The following MMP16 variants were observed in gnomAD, a reference collection of about 807,000 sequenced individuals.
The protein encoded by MMP16 is matrix metalloproteinase-16.
Under a neutral mutation model 67.8 loss-of-function variants are expected in MMP16, and 12 were observed. That is an observed-to-expected ratio of 0.18 (90% CI 0.11 to 0.29). The LOEUF (loss-of-function observed/expected upper bound fraction) is 0.29, where lower values mean the gene tolerates loss of function less well. Ranked by LOEUF, MMP16 falls within the 10% of genes least tolerant of loss-of-function variation. The pLI, the probability that MMP16 is intolerant of heterozygous loss-of-function variation, is 1.00. For synonymous variants in MMP16, 249 were observed against 255.9 expected (o/e 0.97, Z 0.26); for missense variants, 475 against 765.7 (o/e 0.62, Z 4.48).
chr8:88,317,371 C>T (rs949955270), intron 1 of MMP16, among the ~76,000 whole-genome samples: 1 of 152,184 alleles, frequency 6.6e-6, no homozygotes, highest in African/African-American at 2.4e-5. Context: ...CAACACCCTC[C>T]AGCCACAAAA....
chr8:88,128,475 C>T (rs1807972683), intron 4 of MMP16, among the ~76,000 whole-genome samples: 1 of 151,754 alleles, frequency 6.6e-6, no homozygotes, highest in South Asian at 2.1e-4. Context: ...CTCCAGACTT[C>T]CCTTTTCTTA....
chr8:88,177,223 G>T (rs1323278988), intron 3 of MMP16, among the ~76,000 whole-genome samples: 3 of 152,006 alleles, frequency 2.0e-5, no homozygotes, highest in Non-Finnish European at 4.4e-5. Context: ...TCGTATGTTG[G>T]TTTTTTATTA....
In MMP16 at chr8:88,198,261, A is replaced by G. The variant is rs192484422; in HGVS notation, c.133-955T>C. 1.2e-3 allele frequency among the ~76,000 whole-genome samples: 179 copies of G among 152,274 alleles called. 1 individual carries two copies. Among genetic ancestry groups the G allele is most frequent in the African/African-American group, 3.8e-3 (157 of 41,578 alleles). ...AAATGCACAATCATATGTTCAGGCCACATCCCATCCTGCTGTCCTTTACCT... is the reference window on the plus strand; with the variant it reads ...AAATGCACAATCATATGTTCAGGCCGCATCCCATCCTGCTGTCCTTTACCT... On this transcript the variant is annotated intron_variant, in intron 1 of 9. Transcript: ENST00000286614.
chr8:88,088,752 C>G (rs1158209982), intron 6 of MMP16, among the ~76,000 whole-genome samples: 1 of 152,008 alleles, frequency 6.6e-6, no homozygotes, highest in Non-Finnish European at 1.5e-5. Flanking sequence ...CAAGGTAAGT[C>G]CTCAACACAC....
chr8:88,279,261 T>C (rs1201291777), intron 1 of MMP16, among the ~76,000 whole-genome samples: 2 of 151,740 alleles, frequency 1.3e-5, no homozygotes, highest in Non-Finnish European at 2.9e-5. Flanking sequence ...AAATGTAAAC[T>C]ATCCCATTAA....
At chr8:88,264,030 GCACA>G (rs1563577557) in intron 1 of MMP16, among the ~76,000 whole-genome samples, 1 of 31,020 alleles carries the variant, frequency 3.2e-5, no homozygotes, top group Non-Finnish European at 8.6e-5. Flanking sequence ...TACAAAAATG[GCACA>G]TATATATATA....
In MMP16 at chr8:88,041,154, T is replaced by C; in HGVS notation, c.*307A>G. On this transcript the variant is annotated 3_prime_UTR_variant, in exon 10 of 10. Coordinates refer to ENST00000286614, the MANE Select transcript of MMP16 (RefSeq NM_005941.5). The surrounding 1 kb of genome is among the most constrained non-coding windows in gnomAD (Gnocchi z 6.0). ...TTTTAAGAAGAATCTTTTCTTCTTTTTCTCCTCTTCTTTAGTTAATCCTGA... is the reference window on the plus strand; with the variant it reads ...TTTTAAGAAGAATCTTTTCTTCTTTCTCTCCTCTTCTTTAGTTAATCCTGA... 7.9e-6 allele frequency: 2 copies of C among 253,248 alleles called. No homozygotes were observed. Among genetic ancestry groups the C allele is most frequent in the Non-Finnish European group, 1.5e-5 (2 of 134,712 alleles). 15.7% of individuals were successfully genotyped at this position (253,248 alleles called of 1,614,324 possible).
intron 1 of MMP16, among the ~76,000 whole-genome samples, chr8:88,293,567 T>G (rs1810959065): frequency 6.6e-6 from 1 of 152,176 alleles, no homozygotes; most frequent in Admixed American, 6.5e-5. Context: ...CACTCATTTC[T>G]TTGAACTTGA....
intron 1 of MMP16, among the ~76,000 whole-genome samples, chr8:88,288,069 C>T (rs1045469424): frequency 5.3e-5 from 8 of 152,206 alleles, no homozygotes; most frequent in African/African-American, 1.9e-4. Flanking sequence ...TAAAGTTAGG[C>T]ACACCACTTT....
intron 1 of MMP16, among the ~76,000 whole-genome samples, chr8:88,307,383 A>AT (rs1406296529): frequency 3.3e-5 from 5 of 152,054 alleles, no homozygotes; most frequent in African/African-American, 1.2e-4. Context: ...TTGAAAACAA[A>AT]TTTTGTCCTC....
intron 1 of MMP16, among the ~76,000 whole-genome samples, chr8:88,267,190 A>G (rs35658486): frequency 0.12 from 18,447 of 152,218 alleles, 1,238 homozygotes; most frequent in Non-Finnish European, 0.14. Flanking sequence ...ATGAATCACA[A>G]AACAGTTTAG....
chr8:88,246,625 G>T (rs1352212060), intron 1 of MMP16, among the ~76,000 whole-genome samples: 2 of 152,116 alleles, frequency 1.3e-5, no homozygotes, highest in African/African-American at 4.8e-5. Context: ...ATGTGTGAAG[G>T]ATCCAGAATA....
intron 4 of MMP16, among the ~76,000 whole-genome samples, chr8:88,162,416 C>T (rs1808642471): frequency 6.6e-6 from 1 of 151,974 alleles, no homozygotes; most frequent in Non-Finnish European, 1.5e-5. Context: ...GTTCGTTCTC[C>T]AGTTTTAAAA....
intron 4 of MMP16, among the ~76,000 whole-genome samples, chr8:88,120,943 A>G (rs915494698): frequency 3.9e-5 from 6 of 152,042 alleles, no homozygotes; most frequent in Admixed American, 3.9e-4. Context: ...CTAAACACAT[A>G]GGAAGTCAGT....
chr8:88,298,676 T>C (rs1210266431), intron 1 of MMP16, among the ~76,000 whole-genome samples: 1 of 152,206 alleles, frequency 6.6e-6, no homozygotes, highest in East Asian at 1.9e-4. Flanking sequence ...GTGAGACCTC[T>C]GCTCCATGGC....
chr8:88,316,883 G>A (rs1433793228), intron 1 of MMP16, among the ~76,000 whole-genome samples: 4 of 152,048 alleles, frequency 2.6e-5, no homozygotes, highest in African/African-American at 9.7e-5. Flanking sequence ...CATGGGGGGA[G>A]GTAAAAATAA....
rs751689921 is a variant in MMP16 at position 88,046,772 on chromosome 8, A to G, written c.1386T>C (p.Tyr462=). 2 of 1,595,476 alleles carry G rather than the reference A, an allele frequency of 1.3e-6. No individual in the cohort carries two copies. Among genetic ancestry groups the G allele is most frequent in the Non-Finnish European group, 1.7e-6 (2 of 1,169,410 alleles). Residue 462 remains tyrosine, a synonymous_variant, in exon 9 of 10, where the codon TAT becomes TAC. Coordinates refer to ENST00000286614, the MANE Select transcript of MMP16 (RefSeq NM_005941.5). ...GGTCCATTGTTTTCATTTCTTCACT[A>G]TATCTCCAATATCTACAAAGGATAA... The part of the protein sequence containing the change: ...YFFKGDRYWR[Y]SEEMKTMDPG...
At chr8:88,245,209 T>C (rs1004670289) in intron 1 of MMP16, among the ~76,000 whole-genome samples, 5 of 152,210 alleles carry the variant, frequency 3.3e-5, no homozygotes, top group African/African-American at 1.2e-4. Flanking sequence ...AATACATGTA[T>C]AGATCTATGT....
chr8:88,160,693 A>G (rs1451542490), intron 4 of MMP16, among the ~76,000 whole-genome samples: 2 of 152,028 alleles, frequency 1.3e-5, no homozygotes, highest in Non-Finnish European at 2.9e-5. Flanking sequence ...TGGGACTATA[A>G]ACTAGTTCAA....
Sources: gnomAD v4.1 joint callset for allele counts (sites outside exome capture counted in the v4.1 genomes callset) on GRCh38, gnomAD v4.1.1 for gene constraint, Gnocchi (gnomAD v3.1) non-coding constraint, MANE v1.5 for transcripts, NCBI Gene and HGNC (gene_info 2026-07-23, HGNC 2026-07-21) for gene names.